The following CELF4 variants were observed in gnomAD, a reference collection of about 807,000 sequenced individuals.
CELF4 encodes the protein CUGBP Elav-like family member 4, also known as CUG-BP- and ETR-3-like factor 4.
In CELF4, 18 loss-of-function variants were observed where a neutral mutation model predicts 59.9. The observed-to-expected ratio is 0.30, with a 90% CI of 0.21 to 0.45. CELF4 has a LOEUF of 0.45. Ranked by LOEUF, CELF4 falls within the 20% of genes least tolerant of loss-of-function variation. CELF4 has a pLI of 1.00. For synonymous variants in CELF4, 261 were observed against 267.1 expected (o/e 0.98, Z 0.22); for missense variants, 456 against 689.0 (o/e 0.66, Z 3.79).
chr18:37,466,406 C>T (rs747776974), intron 2 of CELF4, among the ~76,000 whole-genome samples: 13 of 141,548 alleles, frequency 9.2e-5, no homozygotes, highest in African/African-American at 1.9e-4. Context: ...CTGGGAGCTT[C>T]GATCTTCATG....
Position 37,518,651 on chromosome 18 carries a change from AC to A in CELF4, c.287-33045del, listed in dbSNP as rs60280457. 6.4e-3 allele frequency among the ~76,000 whole-genome samples: 975 copies of A among 152,040 alleles called. 16 individuals carry two copies. In the East Asian group the frequency reaches 0.092, roughly 14 times the overall value. On this transcript the variant is annotated intron_variant, in intron 1 of 12. Transcript: ENST00000420428. ...TGAAGGCTGCTGGGGCCTGAAGAGC[AC>A]CCTCCCATCCCCAAGCCCTACCTCA...
intron 3 of CELF4, among the ~76,000 whole-genome samples, chr18:37,303,772 C>A (rs1191371777): frequency 6.6e-6 from 1 of 152,202 alleles, no homozygotes; most frequent in Non-Finnish European, 1.5e-5. Context: ...ACAGGACCCT[C>A]TGATGAGGCA....
chr18:37,486,242 C>G (rs1235456986), intron 1 of CELF4, among the ~76,000 whole-genome samples: 1 of 152,134 alleles, frequency 6.6e-6, no homozygotes, highest in East Asian at 1.9e-4. Context: ...CATATCCAGG[C>G]CACCGACTTA....
At chr18:37,298,724 C>A (rs1247342181) in intron 3 of CELF4, among the ~76,000 whole-genome samples, 65 of 124,288 alleles carry the variant, frequency 5.2e-4, no homozygotes, top group East Asian at 7.2e-4. Context: ...GACTCTATCT[C>A]AAAAAAAAAA....
chr18:37,503,342 G>A (rs2099933961), intron 1 of CELF4, among the ~76,000 whole-genome samples: 1 of 152,332 alleles, frequency 6.6e-6, no homozygotes. Context: ...CCAAGGTTGA[G>A]GGCAGGCTCG....
At chr18:37,333,724 CCA>C (rs2097650180) in intron 2 of CELF4, among the ~76,000 whole-genome samples, 1 of 2,550 alleles carries the variant, frequency 3.9e-4, no homozygotes, top group Non-Finnish European at 7.2e-4. Flanking sequence ...GCCACAAACT[CCA>C]TCCATCCATC....
At chr18:37,373,326 T>A (rs1274995324) in intron 2 of CELF4, among the ~76,000 whole-genome samples, 1 of 152,162 alleles carries the variant, frequency 6.6e-6, no homozygotes, top group Non-Finnish European at 1.5e-5. Context: ...GCCCTGCCCT[T>A]CTGATTTCAG....
chr18:37,406,500 C>A (rs1410022176), intron 2 of CELF4, among the ~76,000 whole-genome samples: 1 of 152,138 alleles, frequency 6.6e-6, no homozygotes, highest in Non-Finnish European at 1.5e-5. Flanking sequence ...TGCTGCTGGA[C>A]CTTGGGGGAA....
chr18:37,411,205 C>T (rs563970934), intron 2 of CELF4, among the ~76,000 whole-genome samples: 1 of 152,226 alleles, frequency 6.6e-6, no homozygotes, highest in African/African-American at 2.4e-5. Context: ...ATCCTCCCAC[C>T]TTGGCCTCCC....
intron 2 of CELF4, among the ~76,000 whole-genome samples, chr18:37,381,430 T>C (rs1225985900): frequency 6.6e-6 from 1 of 152,102 alleles, no homozygotes; most frequent in East Asian, 1.9e-4. Flanking sequence ...ACTCCCAGAA[T>C]GCTGATGCTT....
chr18:37,248,388 C>T (rs2154255900), intron 12 of CELF4, among the ~76,000 whole-genome samples: 1 of 152,314 alleles, frequency 6.6e-6, no homozygotes, highest in Non-Finnish European at 1.5e-5. Flanking sequence ...TGAAGCCCTT[C>T]GAAGGTTCTG....
At chr18:37,564,654 C>T (rs1378187294) in intron 1 of CELF4, among the ~76,000 whole-genome samples, 1 of 152,014 alleles carries the variant, frequency 6.6e-6, no homozygotes. Context: ...CCAGGCTTGC[C>T]AGACCCCCCA....
In CELF4 at chr18:37,348,607, TG is replaced by T. The variant is rs143057263; in HGVS notation, c.370-26727del. ...CCTTGAAAGTCTTGGAGCAGTGAGG[TG>T]GGGTGGGACGGTGGGGGGATGGGAG... On this transcript the variant is annotated intron_variant, in intron 2 of 12. Transcript: ENST00000420428. 2.4e-3 allele frequency among the ~76,000 whole-genome samples: 368 copies of T among 151,802 alleles called. 4 individuals carry two copies. Among genetic ancestry groups the T allele is most frequent in the African/African-American group, 8.5e-3 (352 of 41,358 alleles).
intron 1 of CELF4, among the ~76,000 whole-genome samples, chr18:37,531,637 G>A (rs2099969685): frequency 6.6e-6 from 1 of 152,224 alleles, no homozygotes; most frequent in African/African-American, 2.4e-5. Flanking sequence ...ACTTGAGAGT[G>A]GGGTGGGGTG....
At chr18:37,554,879 T>C (rs1051208148) in intron 1 of CELF4, among the ~76,000 whole-genome samples, 1 of 152,140 alleles carries the variant, frequency 6.6e-6, no homozygotes, top group Non-Finnish European at 1.5e-5. Flanking sequence ...AAGCCTTCCC[T>C]TGGAAGGATG....
In CELF4 at chr18:37,392,993, C is replaced by T. The variant is rs75129399; in HGVS notation, c.370-71112G>A. On this transcript the variant is annotated intron_variant, in intron 2 of 12. Coordinates refer to ENST00000420428, the MANE Select transcript of CELF4 (RefSeq NM_020180.4). ...TTTTTGTCTGTTCCCTGTGGTGCCCCATGCCCAGCATGGGGCCTGACACCA... is the reference window on the plus strand; with the variant it reads ...TTTTTGTCTGTTCCCTGTGGTGCCCTATGCCCAGCATGGGGCCTGACACCA... Among the ~76,000 whole-genome samples the T allele has an allele frequency of 4.0e-3, 602 of 152,314 alleles. 6 individuals carry two copies. The highest frequency in any genetic ancestry group is 0.014 in the African/African-American group (572 of 41,580).
chr18:37,562,204 C>A (rs2099986748), intron 1 of CELF4, among the ~76,000 whole-genome samples: 1 of 152,178 alleles, frequency 6.6e-6, no homozygotes, highest in Non-Finnish European at 1.5e-5. Flanking sequence ...TCCACAGACT[C>A]CCAATTTGAC....
intron 2 of CELF4, among the ~76,000 whole-genome samples, chr18:37,461,791 C>T (rs896054989): frequency 7.2e-5 from 11 of 152,150 alleles, no homozygotes; most frequent in African/African-American, 7.2e-5. Context: ...TGCAAAGGAC[C>T]GTATTGTCAT....
intron 2 of CELF4, among the ~76,000 whole-genome samples, chr18:37,332,673 G>A (rs2097583895): frequency 6.6e-6 from 1 of 152,240 alleles, no homozygotes; most frequent in Non-Finnish European, 1.5e-5. Context: ...TTTCCCAGGG[G>A]GAAGGAGGGA....
Sources: allele counts gnomAD v4.1 joint callset (sites outside exome capture counted in the v4.1 genomes callset), GRCh38; gene constraint gnomAD v4.1.1; transcripts MANE v1.5; gene names NCBI Gene and HGNC (gene_info 2026-07-23, HGNC 2026-07-21).